The following SLCO1B3 variants were observed in gnomAD, a reference collection of about 807,000 sequenced individuals.
SLCO1B3 encodes liver-specific organic anion transporter 2.
SLCO1B3 carries 72 observed loss-of-function variants against 71.8 expected under a neutral mutation model. The ratio of observed to expected loss-of-function variants is 1.00; its 90% CI spans 0.83 to 1.22. The LOEUF is 1.22. Among genes scored for constraint, SLCO1B3 ranks in the 50% most tolerant of loss-of-function variants. The probability of loss-of-function intolerance (pLI) is 0.00; values close to 1 mark genes in which losing one functional copy is unlikely to be tolerated. For missense variants in SLCO1B3, 911 were observed against 819.7 expected (o/e 1.11, Z -1.36); for synonymous variants, 298 against 278.4 (o/e 1.07, Z -0.70).
At chr12:20,822,233 C>T (rs1476732161) in intron 3 of SLCO1B3, among the ~76,000 whole-genome samples, 1 of 152,096 alleles carries the variant, frequency 6.6e-6, no homozygotes, top group Non-Finnish European at 1.5e-5. Flanking sequence ...TTTGTGTGAG[C>T]AATAAAGCTG....
chr12:20,898,701 G>C (rs1300315092), intron 14 of SLCO1B3, among the ~76,000 whole-genome samples: 2 of 152,158 alleles, frequency 1.3e-5, no homozygotes, highest in African/African-American at 4.8e-5. Flanking sequence ...ATTCTAGTTA[G>C]AGTCAATCTG....
chr12:20,850,256 T>TTTTTTTA (rs1555154813), intron 3 of SLCO1B3, among the ~76,000 whole-genome samples: 5 of 143,040 alleles, frequency 3.5e-5, no homozygotes, highest in Non-Finnish European at 4.5e-5. Context: ...ATTATTATTA[T>TTTTTTTA]TTTATTTATT....
rs1004380462 is a variant in SLCO1B3 at position 20,861,248 on chromosome 12, A to T, written c.481+110A>T. On this transcript the variant is annotated intron_variant, in intron 6 of 15. Transcript: ENST00000381545. ...ATTGATTTAAGAACAAATAGGAAGA[A>T]CATTTATCCCTTACATACAGACAAA... 8 of 983,062 alleles carry T rather than the reference A, an allele frequency of 8.1e-6. No homozygotes were observed. In the African/African-American group the frequency reaches 1.3e-4, roughly 16 times the overall value. The allele number at this position is 983,062 out of a possible 1,614,324, so 60.9% of individuals were successfully genotyped here.
chr12:20,857,469 A>G (rs200823453), intron 4 of SLCO1B3, among the ~76,000 whole-genome samples: 4 of 151,268 alleles, frequency 2.6e-5, no homozygotes, highest in Non-Finnish European at 4.4e-5. Flanking sequence ...TGTTTCATCA[A>G]TTTTCTCTGA....
At chr12:20,813,050 A>T (rs1864134458) in intron 1 of SLCO1B3, among the ~76,000 whole-genome samples, 1 of 152,146 alleles carries the variant, frequency 6.6e-6, no homozygotes, top group Admixed American at 6.5e-5. Flanking sequence ...AACACATACA[A>T]AAAGTGGAAT....
chr12:20,877,902 C>T lies in SLCO1B3; in HGVS notation c.1101C>T (p.Tyr367=), dbSNP rs777458586. 74 of 1,590,502 alleles carry T rather than the reference C, an allele frequency of 4.7e-5. No individual in the cohort carries two copies. The highest frequency in any genetic ancestry group is 1.9e-4 in the African/African-American group (14 of 73,250). ...TCTTTAAATATATGGAGCAACAGTA[C>T]GGTCAGTCTGCATCTCATGCTAACT... ...TYVFKYMEQQ[Y]GQSASHANFL... The change falls in exon 10 of 16, where the codon TAC becomes TAT. Residue 367 remains tyrosine (Y), a synonymous_variant. Transcript: ENST00000381545.
At position 20,833,490 on chromosome 12, in the gene SLCO1B3, ATATATACATATGTTTACTATGTATG is replaced by A. The variant is rs1458987563; in HGVS notation, c.84+17680_84+17704del. ...TAAATATATACACACATATACACAGATATATACATATGTTTACTATGTATGTATATACATATATAGTTTATATATG... is the reference window on the plus strand; with the variant it reads ...TAAATATATACACACATATACACAGATATATACATATATAGTTTATATATG... On this transcript the variant is annotated intron_variant, in intron 3 of 15. Transcript: ENST00000381545. Among the ~76,000 whole-genome samples, 2 of 148,988 alleles carry A rather than the reference ATATATACATATGTTTACTATGTATG, an allele frequency of 1.3e-5. 1 individual carries two copies. Among genetic ancestry groups the A allele is most frequent in the South Asian group, 4.2e-4 (2 of 4,792 alleles).
intron 15 of SLCO1B3, among the ~76,000 whole-genome samples, chr12:20,913,312 A>T (rs574945673): frequency 1.3e-5 from 2 of 152,194 alleles, no homozygotes; most frequent in East Asian, 3.8e-4. Context: ...TATACCAATT[A>T]TCTATGGTGA....
chr12:20,851,912 TG>T (rs35944733), intron 3 of SLCO1B3, among the ~76,000 whole-genome samples: 109,961 of 151,920 alleles, frequency 0.72, 42,375 homozygotes, highest in South Asian at 0.9. Flanking sequence ...TTGAAGAGAC[TG>T]GTTCTCTCCC....
chr12:20,870,516 A>T (rs558054721), intron 8 of SLCO1B3, among the ~76,000 whole-genome samples: 13 of 152,162 alleles, frequency 8.5e-5, no homozygotes, highest in African/African-American at 3.1e-4. Context: ...TTCAGTATAT[A>T]TATGATAAGG....
At position 20,916,043 on chromosome 12, in the gene SLCO1B3, A is replaced by G; in HGVS notation, c.1905A>G (p.Pro635=). Residue 635 remains proline, a synonymous_variant, in exon 16 of 16, where the codon CCA becomes CCG. Transcript: ENST00000381545. ...GCTTATCTATAGCTTTAAGATTCCC[A>G]GCACTTGTTTTATATATTGTTTTCA... is the stretch of plus-strand genomic sequence containing the variant. ...YLGLSIALRF[P]ALVLYIVFIF... 6.2e-7 allele frequency: 1 copy of G among 1,610,586 alleles called. No homozygotes were observed. The highest frequency in any genetic ancestry group is 8.5e-7 in the Non-Finnish European group (1 of 1,177,140).
intron 13 of SLCO1B3, among the ~76,000 whole-genome samples, chr12:20,892,618 T>C (rs1468842281): frequency 4.6e-5 from 7 of 152,162 alleles, no homozygotes; most frequent in Non-Finnish European, 1.5e-5. Context: ...CCTGTAGTGA[T>C]GAAGAATATT....
chr12:20,833,835 TTG>T lies in SLCO1B3; in HGVS notation c.84+18017_84+18018del, dbSNP rs201354395. On this transcript the variant is annotated intron_variant, in intron 3 of 15. Coordinates refer to ENST00000381545, the MANE Select transcript of SLCO1B3 (RefSeq NM_019844.4). ...ATATCTATATATGCACACACACAGTTTGTGTTTAAATAAGTTTATATACTCTA... is the reference window on the plus strand; with the variant it reads ...ATATCTATATATGCACACACACAGTTTGTTTAAATAAGTTTATATACTCTA... Among the ~76,000 whole-genome samples the T allele has an allele frequency of 1.7e-3, 249 of 147,444 alleles. 3 individuals carry two copies. The East Asian group carries it at 0.048, about 28-fold the overall frequency.
chr12:20,881,107 T>A, intron 12 of SLCO1B3, 87 bp downstream of exon 12: 1 of 940,972 alleles, frequency 1.1e-6, no homozygotes, highest in Non-Finnish European at 1.6e-6. Flanking sequence ...TTCCTATAAC[T>A]AAGGTCTCCA....
intron 9 of SLCO1B3, among the ~76,000 whole-genome samples, chr12:20,876,246 A>C (rs1865576367): frequency 6.6e-6 from 1 of 152,104 alleles, no homozygotes; most frequent in Non-Finnish European, 1.5e-5. Context: ...AAATGGGCTA[A>C]TGGAGTACCA....
chr12:20,873,897 G>A (rs897446155), intron 8 of SLCO1B3, among the ~76,000 whole-genome samples: 5 of 152,084 alleles, frequency 3.3e-5, no homozygotes, highest in Non-Finnish European at 5.9e-5. Flanking sequence ...GAAGATAATG[G>A]CTTTCAGCTT....
intron 6 of SLCO1B3, among the ~76,000 whole-genome samples, chr12:20,861,779 G>C (rs1865270874): frequency 6.6e-6 from 1 of 151,990 alleles, no homozygotes; most frequent in Non-Finnish European, 1.5e-5. Context: ...CTGTATTGCT[G>C]GGAGAGTATA....
At chr12:20,912,301 T>TTTATTTA (rs1866395681) in intron 15 of SLCO1B3, among the ~76,000 whole-genome samples, 1 of 139,664 alleles carries the variant, frequency 7.2e-6, no homozygotes, top group African/African-American at 2.7e-5. Flanking sequence ...TTATTTTTAT[T>TTTATTTA]TTTATTTATT....
At chr12:20,818,715 G>A (rs1201200940) in intron 3 of SLCO1B3, among the ~76,000 whole-genome samples, 1 of 152,258 alleles carries the variant, frequency 6.6e-6, no homozygotes, top group Non-Finnish European at 1.5e-5. Flanking sequence ...CTATAGCATA[G>A]CCTGCCTTTG....
Sources: allele counts gnomAD v4.1 joint callset (sites outside exome capture counted in the v4.1 genomes callset), GRCh38; gene constraint gnomAD v4.1.1; transcripts MANE v1.5; gene names NCBI Gene and HGNC (gene_info 2026-07-23, HGNC 2026-07-21).